GPC6: variants seen among roughly 807,000 people sequenced by gnomAD.
The protein encoded by GPC6 is glypican 6.
Under a neutral mutation model 55.2 loss-of-function variants are expected in GPC6, and 14 were observed. That is an observed-to-expected ratio of 0.25 (90% CI 0.17 to 0.40). GPC6 has a LOEUF of 0.40. GPC6 is among the 10% of genes least tolerant of loss of function. GPC6 has a pLI of 1.00. For synonymous variants in GPC6, 278 were observed against 259.6 expected (o/e 1.07, Z -0.68); for missense variants, 641 against 708.5 (o/e 0.90, Z 1.08).
intron 2 of GPC6, among the ~76,000 whole-genome samples, chr13:93,686,807 A>T (rs1433558155): frequency 6.6e-6 from 1 of 152,116 alleles, no homozygotes. Context: ...AACAGTTTAT[A>T]GTCACCCTTT....
chr13:93,681,582 A>G (rs1027997499), intron 2 of GPC6, among the ~76,000 whole-genome samples: 5 of 152,298 alleles, frequency 3.3e-5, no homozygotes, highest in African/African-American at 4.8e-5. Context: ...GACTAAATTC[A>G]TATTTCTATG....
At chr13:93,802,160 G>A (rs955286342) in intron 2 of GPC6, among the ~76,000 whole-genome samples, 3 of 151,898 alleles carry the variant, frequency 2.0e-5, no homozygotes, top group Non-Finnish European at 4.4e-5. Context: ...GAAATCAAAG[G>A]GACATACTTT....
chr13:93,921,943 C>A (rs556619246), intron 3 of GPC6, among the ~76,000 whole-genome samples: 1 of 150,506 alleles, frequency 6.6e-6, no homozygotes, highest in African/African-American at 2.4e-5. Context: ...TGCTAAGTGC[C>A]TGTGGGAGAA....
chr13:94,219,014 A>AATACCCTC (rs1555308480), intron 4 of GPC6, among the ~76,000 whole-genome samples: 2 of 152,196 alleles, frequency 1.3e-5, no homozygotes, highest in Non-Finnish European at 2.9e-5. Flanking sequence ...ATAGATGATA[A>AATACCCTC]ATAGCCTCAT....
At chr13:93,564,198 T>C (rs1875969508) in intron 2 of GPC6, among the ~76,000 whole-genome samples, 1 of 152,134 alleles carries the variant, frequency 6.6e-6, no homozygotes, top group African/African-American at 2.4e-5. Context: ...CTGTAAAACC[T>C]TAAAAAAGAG....
At chr13:93,730,248 A>G (rs1045620380) in intron 2 of GPC6, among the ~76,000 whole-genome samples, 2 of 152,160 alleles carry the variant, frequency 1.3e-5, no homozygotes, top group Non-Finnish European at 2.9e-5. Context: ...TATACCAGAC[A>G]CTCATCAAGT....
At chr13:93,904,145 G>GC (rs1252666554) in intron 3 of GPC6, among the ~76,000 whole-genome samples, 2 of 152,110 alleles carry the variant, frequency 1.3e-5, no homozygotes, top group Non-Finnish European at 2.9e-5. Flanking sequence ...AGAAAATGGA[G>GC]CACAGCCACA....
At chr13:93,623,430 T>A (rs1403677570) in intron 2 of GPC6, among the ~76,000 whole-genome samples, 2 of 140,806 alleles carry the variant, frequency 1.4e-5, no homozygotes, top group Non-Finnish European at 3.2e-5. Flanking sequence ...TCCAGGACAA[T>A]GGTTGTTTTC....
chr13:93,461,190 A>G (rs1188276728), intron 1 of GPC6, among the ~76,000 whole-genome samples: 1 of 152,164 alleles, frequency 6.6e-6, no homozygotes, highest in African/African-American at 2.4e-5. Context: ...AACATATAGT[A>G]GTCTACAGCT....
chr13:93,429,122 C>A (rs544803358), intron 1 of GPC6, among the ~76,000 whole-genome samples: 3 of 152,218 alleles, frequency 2.0e-5, no homozygotes, highest in African/African-American at 7.2e-5. Flanking sequence ...AGAGGGGAAG[C>A]AAGTTTTTGC....
In GPC6 at chr13:93,960,441, T is replaced by C. The variant is rs375418595; in HGVS notation, c.712-67288T>C. 5.8e-4 allele frequency among the ~76,000 whole-genome samples: 89 copies of C among 152,166 alleles called. 1 individual carries two copies. Among genetic ancestry groups the C allele is most frequent in the African/African-American group, 2.0e-3 (85 of 41,518 alleles). Reference sequence around the variant, plus strand: ...CTTCAAATACACCACAGTCAGAAAGTCCTATGACTTAGGACTTAGTTCTCT... The same window carrying C: ...CTTCAAATACACCACAGTCAGAAAGCCCTATGACTTAGGACTTAGTTCTCT... On this transcript the variant is annotated intron_variant, in intron 3 of 8. Transcript: ENST00000377047.
chr13:93,234,126 G>A (rs1876151921), intron 1 of GPC6, among the ~76,000 whole-genome samples: 1 of 152,162 alleles, frequency 6.6e-6, no homozygotes, highest in Non-Finnish European at 1.5e-5. Flanking sequence ...GCCCTTAGCA[G>A]CTCTCTGGCC....
chr13:93,955,922 C>T (rs1191535608), intron 3 of GPC6, among the ~76,000 whole-genome samples: 1 of 151,906 alleles, frequency 6.6e-6, no homozygotes, highest in African/African-American at 2.4e-5. Flanking sequence ...TCTTTTTTCC[C>T]TTGTGTGTGT....
intron 1 of GPC6, among the ~76,000 whole-genome samples, chr13:93,426,806 T>C (rs1877146163): frequency 1.3e-5 from 2 of 151,464 alleles, no homozygotes; most frequent in African/African-American, 4.9e-5. Flanking sequence ...CCCTGAGGAA[T>C]CGCCACACTG....
At chr13:94,084,959 A>T (rs1885227345) in intron 4 of GPC6, among the ~76,000 whole-genome samples, 1 of 152,084 alleles carries the variant, frequency 6.6e-6, no homozygotes, top group African/African-American at 2.4e-5. Flanking sequence ...GTCAAAAGTA[A>T]AATTGGAAAG....
intron 6 of GPC6, among the ~76,000 whole-genome samples, chr13:94,372,364 C>T (rs924480518): frequency 2.6e-5 from 4 of 151,674 alleles, no homozygotes; most frequent in Non-Finnish European, 4.4e-5. Context: ...GCGCACCGTG[C>T]GCGAGCCGAA....
At chr13:94,024,367 A>G (rs567972497) in intron 3 of GPC6, among the ~76,000 whole-genome samples, 1 of 152,254 alleles carries the variant, frequency 6.6e-6, no homozygotes, top group South Asian at 2.1e-4. Context: ...GCAATTATAA[A>G]ACACTATGAA....
intron 1 of GPC6, among the ~76,000 whole-genome samples, chr13:93,285,871 C>T (rs1222422515): frequency 2.0e-5 from 3 of 151,766 alleles, no homozygotes; most frequent in Non-Finnish European, 2.9e-5. Flanking sequence ...TTAATGTATA[C>T]TACATAAAAT....
intron 3 of GPC6, among the ~76,000 whole-genome samples, chr13:93,978,924 G>A (rs1880647163): frequency 1.3e-5 from 2 of 152,094 alleles, no homozygotes; most frequent in African/African-American, 2.4e-5. Flanking sequence ...AGTGCCCTAT[G>A]AATAATGGTG....
Sources: gnomAD v4.1 joint callset for allele counts (sites outside exome capture counted in the v4.1 genomes callset) on GRCh38, gnomAD v4.1.1 for gene constraint, MANE v1.5 for transcripts, NCBI Gene and HGNC (gene_info 2026-07-23, HGNC 2026-07-21) for gene names.